The following KIF3A variants were observed in gnomAD, a reference collection of about 807,000 sequenced individuals.
KIF3A encodes kinesin family member 3A.
A neutral mutation model predicts 92.6 loss-of-function variants in KIF3A; 27 were observed. The observed-to-expected ratio is 0.29, with a 90% CI of 0.21 to 0.40. The LOEUF (loss-of-function observed/expected upper bound fraction) is 0.40, where lower values mean the gene tolerates loss of function less well. KIF3A is among the 10% of genes least tolerant of loss of function. The probability of loss-of-function intolerance (pLI) is 1.00; values close to 1 mark genes in which losing one functional copy is unlikely to be tolerated. For synonymous variants in KIF3A, 250 were observed against 275.4 expected, an observed-to-expected ratio of 0.91 and a Z score of 0.92; for missense variants, 581 against 872.6, an observed-to-expected ratio of 0.67 and a Z score of 4.21.
chr5:132,737,492 G>C lies in KIF3A; in HGVS notation c.-73C>G. 2 of 1,558,928 alleles carry C rather than the reference G, an allele frequency of 1.3e-6. No homozygotes were observed. The highest frequency in any genetic ancestry group is 1.7e-6 in the Non-Finnish European group (2 of 1,144,036). On this transcript the variant is annotated 5_prime_UTR_variant, in exon 1 of 19. It adds an upstream start codon to the 5' untranslated region. Coordinates refer to ENST00000403231, the MANE Select transcript of KIF3A (RefSeq NM_001300791.2). Reference sequence around the variant, plus strand: ...CCAGCGACACCGGGTGCGCAGAAAGGATGGCCAGAGACTACCGAAACACCT... The same window carrying C: ...CCAGCGACACCGGGTGCGCAGAAAGCATGGCCAGAGACTACCGAAACACCT...
intron 2 of KIF3A, among the ~76,000 whole-genome samples, chr5:132,727,363 A>G (rs1484476770): frequency 6.6e-6 from 1 of 152,194 alleles, no homozygotes; most frequent in East Asian, 1.9e-4. Context: ...AGGGAGTTCT[A>G]GATGGGAGTC....
chr5:132,693,549 C>T lies in KIF3A; in HGVS notation c.*3085G>A, dbSNP rs996068664. 7.2e-5 allele frequency: 11 copies of T among 152,764 alleles called. No homozygotes were observed. Among genetic ancestry groups the T allele is most frequent in the South Asian group, 2.1e-4 (1 of 4,816 alleles). 9.5% of individuals were successfully genotyped at this position (152,764 alleles called of 1,614,324 possible). A position where few individuals can be genotyped will look rare whatever the true frequency, so the allele number is the denominator to read the frequency against. On this transcript the variant is annotated 3_prime_UTR_variant, in exon 19 of 19. Transcript: ENST00000403231. ...AAGTGTGTTCATCTATATCGTCTCA[C>T]GAAATTAACACTGACCTTACAACAT...
At position 132,716,628 on chromosome 5, in the gene KIF3A, T is replaced by A. The variant is rs559003721; in HGVS notation, c.757-186A>T. Among the ~76,000 whole-genome samples, 237 of 152,238 alleles carry A rather than the reference T, an allele frequency of 1.6e-3. 1 individual carries two copies. The highest frequency in any genetic ancestry group is 4.5e-3 in the African/African-American group (189 of 41,548). On this transcript the variant is annotated intron_variant, in intron 6 of 18. Coordinates refer to ENST00000403231, the MANE Select transcript of KIF3A (RefSeq NM_001300791.2). Reference sequence around the variant, plus strand: ...TGAAACAAGATTAGCCATGAGCTGATTGTTGGGAGTTGGGTGATCAGTGTA... The same window carrying A: ...TGAAACAAGATTAGCCATGAGCTGAATGTTGGGAGTTGGGTGATCAGTGTA...
chr5:132,715,942 A>C lies in KIF3A; in HGVS notation c.955-11T>G, dbSNP rs768595495. 4 of 1,539,852 alleles carry C rather than the reference A, an allele frequency of 2.6e-6. No individual in the cohort carries two copies. The highest frequency in any genetic ancestry group is 3.5e-6 in the Non-Finnish European group (4 of 1,134,912). On this transcript the variant is annotated splice_polypyrimidine_tract_variant and intron_variant, in intron 7 of 18. Transcript: ENST00000403231. ...CCCAATATTTGCACACTATTGAATT[A>C]GAAATATGAAACAAATCATTTTACA...
chr5:132,715,461 C>T (rs1471074241), intron 8 of KIF3A, among the ~76,000 whole-genome samples: 1 of 152,152 alleles, frequency 6.6e-6, no homozygotes, highest in Non-Finnish European at 1.5e-5. Flanking sequence ...GCAGAATTTG[C>T]TCTTATACAG....
chr5:132,717,903 ACTAC>A (rs1753685197), intron 5 of KIF3A, among the ~76,000 whole-genome samples: 1 of 152,200 alleles, frequency 6.6e-6, no homozygotes, highest in Non-Finnish European at 1.5e-5. Flanking sequence ...GCTCCAATTA[ACTAC>A]CTGAGAATTA....
At chr5:132,689,022 A>G (rs1171056915), downstream of KIF3A, among the ~76,000 whole-genome samples, 1 of 152,206 alleles carries the variant, frequency 6.6e-6, no homozygotes. Context: ...TGATCTTCTG[A>G]TAACGTTGAT....
intron 2 of KIF3A, among the ~76,000 whole-genome samples, chr5:132,727,725 T>C (rs1209935167): frequency 4.6e-5 from 7 of 152,218 alleles, no homozygotes; most frequent in African/African-American, 1.7e-4. Context: ...ATGATCACTA[T>C]GGCTATATTG....
chr5:132,698,392 G>A (rs1365781128), intron 18 of KIF3A, among the ~76,000 whole-genome samples: 2 of 152,080 alleles, frequency 1.3e-5, no homozygotes, highest in Admixed American at 6.6e-5. Flanking sequence ...GATGATACAC[G>A]CAGACTACCC....
downstream of KIF3A, among the ~76,000 whole-genome samples, chr5:132,690,567 T>C (rs984986109): frequency 6.6e-6 from 1 of 152,236 alleles, no homozygotes; most frequent in African/African-American, 2.4e-5. Flanking sequence ...TACCCTGATC[T>C]GATCATCATG....
At chr5:132,728,239 T>C (rs1459385596) in intron 2 of KIF3A, among the ~76,000 whole-genome samples, 8 of 152,058 alleles carry the variant, frequency 5.3e-5, no homozygotes, top group Non-Finnish European at 8.8e-5. Context: ...TCTTGCCCTG[T>C]CACTCAGACT....
Position 132,726,161 on chromosome 5 carries a change from G to A in KIF3A, c.477C>T (p.Asp159=). 6.2e-7 allele frequency: 1 copy of A among 1,611,904 alleles called. No individual in the cohort carries two copies. Among genetic ancestry groups the A allele is most frequent in the African/African-American group, 1.3e-5 (1 of 74,918 alleles). Residue 159 remains aspartate, a synonymous_variant, in exon 4 of 19, where the codon GAC becomes GAT. Transcript: ENST00000403231. ...TTTGTGTCTGATCCTTGCCCAAAAG[G>A]TCACGAACTTCTTCATTATATATTT... ...YLEIYNEEVR[D]LLGKDQTQRL... is the part of the protein sequence containing the mutation.
chr5:132,700,321 T>A, intron 16 of KIF3A, 37 bp from the exon 17 acceptor site: 2 of 1,216,410 alleles, frequency 1.6e-6, no homozygotes, highest in Non-Finnish European at 2.4e-6. Flanking sequence ...AGAAATGTCT[T>A]AATTAGTAAT....
At chr5:132,720,983 T>C (rs1753803718) in intron 4 of KIF3A, among the ~76,000 whole-genome samples, 1 of 152,068 alleles carries the variant, frequency 6.6e-6, no homozygotes, top group African/African-American at 2.4e-5. Flanking sequence ...AGGATAAAAT[T>C]CCCCAAGATG....
In KIF3A at chr5:132,702,983, C is replaced by A; in HGVS notation, c.1549G>T (p.Ala517Ser). Reference sequence around the variant, plus strand: ...TCAAGAAGTTTCTCTTGTTCCTCAGCTTTGGCCAACAAGTCAACCCCACCA... The same window carrying A: ...TCAAGAAGTTTCTCTTGTTCCTCAGATTTGGCCAACAAGTCAACCCCACCA... ...IVGGVDLLAK[A>S]EEQEKLLEES... is the part of the protein sequence containing the mutation. The change falls in exon 13 of 19, where the codon GCT becomes TCT. Residue 517 changes from alanine to serine, a missense_variant. By Grantham distance (99) the Ala-to-Ser change is moderately conservative (BLOSUM62 1). Transcript: ENST00000403231. The A allele has an allele frequency of 6.2e-7, 1 of 1,612,402 alleles. No homozygotes were observed. The highest frequency in any genetic ancestry group is 1.1e-5 in the South Asian group (1 of 90,468).
intron 15 of KIF3A, among the ~76,000 whole-genome samples, chr5:132,701,491 T>C (rs2149894256): frequency 8.7e-6 from 1 of 115,332 alleles, no homozygotes. Flanking sequence ...AAAGTGACTC[T>C]GTCTCCCTGA....
chr5:132,713,610 C>T (rs905256929), intron 8 of KIF3A, among the ~76,000 whole-genome samples: 2 of 150,242 alleles, frequency 1.3e-5, no homozygotes, highest in Non-Finnish European at 2.9e-5. Context: ...CCAGCAATTC[C>T]ATTGCTGGGT....
chr5:132,728,783 A>G (rs941263761), intron 2 of KIF3A, among the ~76,000 whole-genome samples: 18 of 151,900 alleles, frequency 1.2e-4, no homozygotes, highest in Admixed American at 5.9e-4. Flanking sequence ...ATAATAAACT[A>G]TATTCTGGGC....
chr5:132,708,266 A>G (rs1248254533), intron 10 of KIF3A, among the ~76,000 whole-genome samples: 3 of 148,390 alleles, frequency 2.0e-5, no homozygotes, highest in Non-Finnish European at 4.4e-5. Context: ...TAGGCAAAAG[A>G]GCAAGACTCC....
Sources: gnomAD v4.1 joint callset for allele counts (sites outside exome capture counted in the v4.1 genomes callset) on GRCh38, gnomAD v4.1.1 for gene constraint, MANE v1.5 for transcripts, NCBI Gene and HGNC (gene_info 2026-07-23, HGNC 2026-07-21) for gene names.